Variants in KRABD4 observed in about 807,000 individuals in gnomAD.
KRABD4 encodes KRAB domain-containing protein 4.
the KRABD4 span, chrX:46,462,584 G>A: frequency 2.2e-6 from 2 of 889,538 alleles, no homozygotes; most frequent in East Asian, 3.4e-5. Flanking sequence ...CCTCATTCCT[G>A]GCTGTGTGAC....
chrX:46,455,905 C>A, the KRABD4 span: 1 of 309,564 alleles, frequency 3.2e-6, no homozygotes, highest in Non-Finnish European at 6.0e-6. Context: ...AAGTAAGGGC[C>A]CAGGAGGTGA....
At chrX:46,451,154 G>A in the KRABD4 span, among the ~76,000 whole-genome samples, 14,656 of 111,322 alleles carry the variant, frequency 0.13, 2,017 homozygotes, top group African/African-American at 0.41. Context: ...ATAAGTTTGT[G>A]CATAATGTTT....
the KRABD4 span, among the ~76,000 whole-genome samples, chrX:46,451,518 T>G: frequency 8.9e-6 from 1 of 112,233 alleles, no homozygotes; most frequent in African/African-American, 3.2e-5. Context: ...TTTACTGTTG[T>G]AAACAGTGCC....
chrX:46,449,808 C>A, the KRABD4 span, among the ~76,000 whole-genome samples: 1 of 111,903 alleles, frequency 8.9e-6, no homozygotes, highest in African/African-American at 3.3e-5. Flanking sequence ...CCTCTGTCGC[C>A]CAGGCTGGAG....
At chrX:46,453,024 T>G in the KRABD4 span, among the ~76,000 whole-genome samples, 1 of 112,235 alleles carries the variant, frequency 8.9e-6, no homozygotes, top group Non-Finnish European at 1.9e-5. Flanking sequence ...GGGTGTGGAA[T>G]TACTTTGATT....
the KRABD4 span, among the ~76,000 whole-genome samples, chrX:46,453,747 AAATGTT>A: frequency 8.9e-6 from 1 of 112,315 alleles, no homozygotes; most frequent in Non-Finnish European, 1.9e-5. Flanking sequence ...AAGTCATACT[AAATGTT>A]AATGTTCTTG....
chrX:46,462,562 G>A, the KRABD4 span: 2 of 703,893 alleles, frequency 2.8e-6, no homozygotes, highest in Non-Finnish European at 2.1e-6. Flanking sequence ...CAGACCGTGT[G>A]GATTCGACTC....
chrX:46,462,611 G>C, the KRABD4 span: 9 of 1,090,481 alleles, frequency 8.3e-6, no homozygotes, highest in African/African-American at 5.5e-5. Context: ...TAGTTACTTA[G>C]GCTCTGTGCA....
chrX:46,453,118 T>G, the KRABD4 span, among the ~76,000 whole-genome samples: 1 of 112,240 alleles, frequency 8.9e-6, no homozygotes, highest in Non-Finnish European at 1.9e-5. Flanking sequence ...GTTTATTATT[T>G]GCTTTGATTT....
the KRABD4 span, among the ~76,000 whole-genome samples, chrX:46,457,576 C>T: frequency 7.4e-5 from 8 of 108,791 alleles, no homozygotes; most frequent in Non-Finnish European, 1.5e-4. Flanking sequence ...CTGTTGCATT[C>T]CAACAAATGA....
the KRABD4 span, among the ~76,000 whole-genome samples, chrX:46,470,897 A>C: frequency 4.5e-5 from 5 of 110,701 alleles, no homozygotes; most frequent in African/African-American, 6.6e-5. Context: ...AATTTGTACA[A>C]GTTTGTTTTA....
the KRABD4 span, chrX:46,448,351 TG>T: frequency 1.1e-4 from 12 of 112,284 alleles, no homozygotes; most frequent in African/African-American, 3.9e-4. Flanking sequence ...GGTGCTATAG[TG>T]ATGGCCTCAA....
the KRABD4 span, among the ~76,000 whole-genome samples, chrX:46,452,059 C>CTCAGCCTCCCAAG: frequency 1.8e-5 from 2 of 112,182 alleles, no homozygotes; most frequent in Non-Finnish European, 3.8e-5. Context: ...ATCCTCCCAC[C>CTCAGCCTCCCAAG]TCAGCCTCCC....
At chrX:46,469,677 G>A in the KRABD4 span, among the ~76,000 whole-genome samples, 1 of 111,725 alleles carries the variant, frequency 9.0e-6, no homozygotes, top group Non-Finnish European at 1.9e-5. Context: ...CAGGCTAGAT[G>A]CCTTTACTTC....
chrX:46,457,732 T>TTTTG, the KRABD4 span, among the ~76,000 whole-genome samples: 467 of 101,132 alleles, frequency 4.6e-3, 3 homozygotes, highest in African/African-American at 0.016. Flanking sequence ...GGTTTTTGTT[T>TTTTG]TTTGTTTGTT....
chrX:46,454,573 G>A, the KRABD4 span, among the ~76,000 whole-genome samples: 900 of 111,458 alleles, frequency 8.1e-3, 13 homozygotes, highest in African/African-American at 0.028. Flanking sequence ...GGAGGCCGAG[G>A]CAGGCGGATC....
At chrX:46,450,646 A>G in the KRABD4 span, among the ~76,000 whole-genome samples, 2 of 110,692 alleles carry the variant, frequency 1.8e-5, no homozygotes, top group Non-Finnish European at 3.8e-5. Context: ...GAGAGAGGAA[A>G]AACAAAGAAT....
chrX:46,450,620 TCCTC>T, the KRABD4 span: 1 of 464,324 alleles, frequency 2.2e-6, no homozygotes. Flanking sequence ...GTTTCTCTGA[TCCTC>T]CCCGTCACCA....
At chrX:46,456,656 C>A in the KRABD4 span, 1 of 277,038 alleles carries the variant, frequency 3.6e-6, no homozygotes, top group Admixed American at 4.3e-5. Context: ...AAGCAGGAAG[C>A]ATAACGAGCA....
Sources: gnomAD v4.1 joint callset for allele counts (sites outside exome capture counted in the v4.1 genomes callset) on GRCh38, gnomAD v4.1.1 for gene constraint, MANE v1.5 for transcripts, NCBI Gene and HGNC (gene_info 2026-07-23, HGNC 2026-07-21) for gene names.